RANBP2: variants seen among roughly 807,000 people sequenced by gnomAD.
The protein encoded by RANBP2 is E3 SUMO-protein ligase RanBP2.
RANBP2 carries 57 observed loss-of-function variants against 303.6 expected under a neutral mutation model. The observed-to-expected ratio is 0.19, with a 90% confidence interval of 0.15 to 0.23. The LOEUF is 0.23. Among genes scored for constraint, RANBP2 ranks in the 10% least tolerant of loss-of-function variants. The pLI is 1.00. For missense variants in RANBP2, 3,138 were observed against 3,780.8 expected, an observed-to-expected ratio of 0.83 and a Z score of 4.46; for synonymous variants, 1,167 against 1,301.5, an observed-to-expected ratio of 0.90 and a Z score of 2.23.
chr2:108,873,529 A>C, the RANBP2 span: 1 of 1,612,460 alleles, frequency 6.2e-7, no homozygotes, highest in Non-Finnish European at 8.5e-7. Context: ...CGAGCCCCTA[A>C]GCTTGATCTT....
At chr2:109,667,953 AAAG>A in the RANBP2 span, 1 of 184,698 alleles carries the variant, frequency 5.4e-6, no homozygotes, top group African/African-American at 2.4e-5. Context: ...GGTCAGAGGG[AAAG>A]AAGAAGCCAG....
chr2:108,770,137 C>T (rs1435463001), intron 20 of RANBP2, among the ~76,000 whole-genome samples: 1 of 152,196 alleles, frequency 6.6e-6, no homozygotes, highest in East Asian at 1.9e-4. Flanking sequence ...TGCCTATATA[C>T]TACTGTAGAA....
At chr2:109,299,843 A>G in the RANBP2 span, among the ~76,000 whole-genome samples, 1 of 152,192 alleles carries the variant, frequency 6.6e-6, no homozygotes, top group East Asian at 1.9e-4. Flanking sequence ...CCCAGCATGT[A>G]CAGCCAGGCT....
At chr2:109,417,402 G>T in the RANBP2 span, among the ~76,000 whole-genome samples, 1 of 152,126 alleles carries the variant, frequency 6.6e-6, no homozygotes. Flanking sequence ...TCATGGAGAG[G>T]GCAGGTGTCC....
the RANBP2 span, among the ~76,000 whole-genome samples, chr2:109,256,819 T>C: frequency 6.6e-6 from 1 of 152,192 alleles, no homozygotes; most frequent in Admixed American, 6.5e-5. Flanking sequence ...TAGGTGGCAG[T>C]GCCGGGTGAC....
the RANBP2 span, among the ~76,000 whole-genome samples, chr2:109,116,361 C>A: frequency 6.6e-6 from 1 of 152,210 alleles, no homozygotes; most frequent in Non-Finnish European, 1.5e-5. Context: ...AACTTCCCTT[C>A]TCACTTCATT....
chr2:109,343,122 G>A, the RANBP2 span, among the ~76,000 whole-genome samples: 1 of 152,142 alleles, frequency 6.6e-6, no homozygotes, highest in Non-Finnish European at 1.5e-5. Context: ...GGGTGTGGAG[G>A]CTGGGACATA....
the RANBP2 span, among the ~76,000 whole-genome samples, chr2:109,625,498 CAAA>C: frequency 1.5e-3 from 203 of 133,576 alleles, 2 homozygotes; most frequent in African/African-American, 4.9e-3. Context: ...ACTAAAAATA[CAAA>C]AAAAAAAAAA....
chr2:109,675,965 C>T, the RANBP2 span, among the ~76,000 whole-genome samples: 1 of 152,226 alleles, frequency 6.6e-6, no homozygotes, highest in Non-Finnish European at 1.5e-5. Flanking sequence ...GCACGTGGAT[C>T]AGTGAGAGCA....
At chr2:109,760,606 C>T in the RANBP2 span, among the ~76,000 whole-genome samples, 1 of 143,120 alleles carries the variant, frequency 7.0e-6, no homozygotes, top group Non-Finnish European at 1.5e-5. Flanking sequence ...GCGGCGGCCG[C>T]TCTGGCGCGG....
the RANBP2 span, among the ~76,000 whole-genome samples, chr2:109,521,149 C>T: frequency 6.6e-6 from 1 of 150,660 alleles, no homozygotes; most frequent in African/African-American, 2.4e-5. Context: ...ACCCGGGAGG[C>T]GGAGCTTGCA....
At chr2:108,786,268 T>TTA (rs1309246562), downstream of RANBP2, among the ~76,000 whole-genome samples, 29 of 151,448 alleles carry the variant, frequency 1.9e-4, no homozygotes, top group African/African-American at 6.8e-4. Flanking sequence ...TTTTTTTTTT[T>TTA]TAACTTTAAG....
chr2:109,347,854 C>T, the RANBP2 span: 1 of 1,613,616 alleles, frequency 6.2e-7, no homozygotes, highest in African/African-American at 1.3e-5. Context: ...CCAGTGCATC[C>T]AGCCCTTGCC....
chr2:108,981,341 A>G, the RANBP2 span, among the ~76,000 whole-genome samples: 1 of 152,194 alleles, frequency 6.6e-6, no homozygotes, highest in East Asian at 1.9e-4. Flanking sequence ...CCCCACCAGG[A>G]CCAGTCCACC....
At position 108,751,244 on chromosome 2, in the gene RANBP2, A is replaced by T. The variant is rs778802331; in HGVS notation, c.1274-20A>T. On this transcript the variant is annotated intron_variant, in intron 9 of 28. Transcript: ENST00000283195. The stretch of plus-strand genomic sequence containing the variant: ...GGAAAAATTTCAAACCCTTAAGCCA[A>T]TTTTTTAATTTTATTTCAGGTGCTA... The T allele has an allele frequency of 1.9e-6, 3 of 1,611,938 alleles. No homozygotes were observed. Among genetic ancestry groups the T allele is most frequent in the South Asian group, 2.2e-5 (2 of 90,992 alleles).
chr2:108,786,835 G>T, downstream of RANBP2: 1 of 1,592,236 alleles, frequency 6.3e-7, no homozygotes, highest in South Asian at 1.1e-5. Context: ...GGAGCCGAGG[G>T]TCGTCAAGCC....
the RANBP2 span, among the ~76,000 whole-genome samples, chr2:109,052,071 A>C: frequency 0.13 from 20,182 of 152,230 alleles, 1,497 homozygotes; most frequent in Non-Finnish European, 0.17. Context: ...CTTCTAACAG[A>C]TTATGCAGCC....
At chr2:109,719,544 C>T in the RANBP2 span, among the ~76,000 whole-genome samples, 4 of 151,634 alleles carry the variant, frequency 2.6e-5, no homozygotes, top group Non-Finnish European at 5.9e-5. Flanking sequence ...GCAACTGGGA[C>T]TACAGGTGTG....
At chr2:108,798,626 T>C in the RANBP2 span, 2 of 1,468,530 alleles carry the variant, frequency 1.4e-6, no homozygotes, top group Non-Finnish European at 1.9e-6. Context: ...GTATATTTCT[T>C]CTTTTCTTCT....
Sources: gnomAD v4.1 joint callset for allele counts (sites outside exome capture counted in the v4.1 genomes callset) on GRCh38, gnomAD v4.1.1 for gene constraint, MANE v1.5 for transcripts, NCBI Gene and HGNC (gene_info 2026-07-23, HGNC 2026-07-21) for gene names.